Variants in PDZD2 observed in about 807,000 individuals in gnomAD.
PDZD2 encodes the protein PDZ domain-containing protein 2.
Under a neutral mutation model 220.7 loss-of-function variants are expected in PDZD2, and 90 were observed. That is an observed-to-expected ratio of 0.41 (90% CI 0.34 to 0.49). The LOEUF is 0.49. Ranked by LOEUF, PDZD2 falls within the 20% of genes least tolerant of loss-of-function variation. The pLI is 0.28. For synonymous variants in PDZD2, 1,375 were observed against 1,450.5 expected (o/e 0.95, Z 1.18); for missense variants, 3,174 against 3,608.5 (o/e 0.88, Z 3.08).
intron 1 of PDZD2, among the ~76,000 whole-genome samples, chr5:31,784,042 G>A (rs912226023): frequency 3.3e-5 from 5 of 152,294 alleles, no homozygotes; most frequent in Admixed American, 6.5e-5. Flanking sequence ...AAATGCAGGA[G>A]CTGTCTGGAA....
intron 2 of PDZD2, among the ~76,000 whole-genome samples, chr5:31,832,153 A>G (rs1402893554): frequency 1.3e-5 from 2 of 152,158 alleles, no homozygotes; most frequent in Admixed American, 6.5e-5. Context: ...TTGGCCTCCC[A>G]AAGTGTTTGG....
chr5:31,919,854 A>G (rs1744047878), intron 2 of PDZD2, among the ~76,000 whole-genome samples: 2 of 56,954 alleles, frequency 3.5e-5, no homozygotes, highest in Admixed American at 2.3e-4. Flanking sequence ...GTCTCTAAAA[A>G]ACAATTTTTT....
At chr5:32,096,280 A>C (rs1743684222) in intron 21 of PDZD2, among the ~76,000 whole-genome samples, 1 of 151,958 alleles carries the variant, frequency 6.6e-6, no homozygotes. Flanking sequence ...CAACTCCCCC[A>C]AAAGTTCTGC....
intron 10 of PDZD2, among the ~76,000 whole-genome samples, chr5:32,055,154 T>C (rs1319814922): frequency 6.6e-6 from 1 of 152,180 alleles, no homozygotes; most frequent in Non-Finnish European, 1.5e-5. Flanking sequence ...TAAAGAAGAA[T>C]TGCCCAGAAG....
chr5:32,042,199 T>C (rs1427637611), intron 7 of PDZD2, among the ~76,000 whole-genome samples: 1 of 150,158 alleles, frequency 6.7e-6, no homozygotes, highest in Non-Finnish European at 1.5e-5. Context: ...GAGGCGGAGC[T>C]TGCAGTGAGC....
At chr5:31,900,320 A>G (rs1298332028) in intron 2 of PDZD2, among the ~76,000 whole-genome samples, 1 of 152,196 alleles carries the variant, frequency 6.6e-6, no homozygotes, top group African/African-American at 2.4e-5. Context: ...GAATCTGTTA[A>G]TGGATTTGCT....
At chr5:31,737,331 C>G (rs1176718631) in intron 1 of PDZD2, among the ~76,000 whole-genome samples, 1 of 151,604 alleles carries the variant, frequency 6.6e-6, no homozygotes, top group African/African-American at 2.4e-5. Context: ...CACCACCACG[C>G]CCAGCTAATT....
intron 5 of PDZD2, among the ~76,000 whole-genome samples, chr5:32,006,554 T>G (rs1310383026): frequency 6.6e-6 from 1 of 151,944 alleles, no homozygotes; most frequent in African/African-American, 2.4e-5. Context: ...TTAAACAATT[T>G]TTTGTAGAGG....
At chr5:31,968,840 CGTT>C (rs1395837648) in intron 2 of PDZD2, among the ~76,000 whole-genome samples, 3 of 143,158 alleles carry the variant, frequency 2.1e-5, no homozygotes, top group Non-Finnish European at 4.5e-5. Flanking sequence ...AATAAATTTC[CGTT>C]GTTAATAAGC....
chr5:31,881,689 T>TC (rs1318181073), intron 2 of PDZD2, among the ~76,000 whole-genome samples: 24 of 112,976 alleles, frequency 2.1e-4, no homozygotes, highest in African/African-American at 8.1e-4. Context: ...TGCATATACA[T>TC]AATACAATAC....
intron 2 of PDZD2, among the ~76,000 whole-genome samples, chr5:31,885,886 T>A (rs1740416182): frequency 6.6e-6 from 1 of 151,772 alleles, no homozygotes; most frequent in Admixed American, 6.6e-5. Flanking sequence ...TTGTTTTTGG[T>A]TTTTTTGTTT....
intron 1 of PDZD2, among the ~76,000 whole-genome samples, chr5:31,686,894 T>C (rs1440073418): frequency 1.3e-5 from 2 of 152,210 alleles, no homozygotes; most frequent in East Asian, 1.9e-4. Flanking sequence ...AGGCTTTTCA[T>C]ACCTCTTTGG....
chr5:31,983,300 C>T lies in PDZD2; in HGVS notation c.622C>T (p.Arg208Ter), dbSNP rs1181686491. ...AACACCTACCTTGGAGCTGGGTGAC[C>T]GAACTGCGAAAAAGGGGAAACGAAC... ...GETPTLELGD[R>*]TAKKGKRTRK... The change falls in exon 3 of 25, where the codon CGA becomes TGA. Residue 208 changes from arginine (R) to a stop codon, truncating the protein, a stop_gained. Coordinates refer to ENST00000438447, the MANE Select transcript of PDZD2 (RefSeq NM_178140.4). LOFTEE classifies it high-confidence loss of function. The T allele has an allele frequency of 1.2e-6, 2 of 1,613,992 alleles. No homozygotes were observed. The highest frequency in any genetic ancestry group is 1.7e-6 in the Non-Finnish European group (2 of 1,180,020).
intron 2 of PDZD2, among the ~76,000 whole-genome samples, chr5:31,880,297 T>G (rs1448276833): frequency 6.6e-6 from 1 of 152,210 alleles, no homozygotes; most frequent in Non-Finnish European, 1.5e-5. Context: ...CATTAAGATT[T>G]TTCAAATTTG....
intron 24 of PDZD2, among the ~76,000 whole-genome samples, chr5:32,103,241 A>AAAAC (rs202176156): frequency 6.2e-4 from 94 of 152,234 alleles, no homozygotes; most frequent in Non-Finnish European, 5.3e-4. Flanking sequence ...GTATTTATTT[A>AAAAC]AAACAAACAA....
chr5:31,690,074 G>A (rs1747058231), intron 1 of PDZD2, among the ~76,000 whole-genome samples: 9 of 152,046 alleles, frequency 5.9e-5, no homozygotes, highest in Admixed American at 5.9e-4. Flanking sequence ...AGACAAGTCT[G>A]GTAAAAAGAT....
rs751448305 is a variant in PDZD2, at chr5:32,089,722, A to G, written c.6274A>G (p.Ile2092Val). ...CCTCGAAAGAACAAACCAGCTGAAA[A>G]TCGTGGAGATTTCTGCTGAAGCAGT... The part of the protein sequence containing the change: ...DRLERTNQLK[I>V]VEISAEAVSE... Residue 2092 changes from isoleucine to valine, a missense_variant, in exon 20 of 25, where the codon ATC (isoleucine) becomes GTC (valine). Physicochemically the swap from Ile to Val is conservative, Grantham distance 29. Coordinates refer to ENST00000438447, the MANE Select transcript of PDZD2 (RefSeq NM_178140.4). 8.7e-6 allele frequency: 14 copies of G among 1,614,168 alleles called. No individual in the cohort carries two copies. Among genetic ancestry groups the G allele is most frequent in the Non-Finnish European group, 9.3e-6 (11 of 1,180,028 alleles).
Position 32,088,163 on chromosome 5 carries a change from C to A in PDZD2, c.4715C>A (p.Ser1572Tyr). ...PESLTEAPRA[S>Y]ARDGWSPPRS... The stretch of plus-strand genomic sequence containing the variant: ...TCACTCACTGAAGCCCCACGAGCTT[C>A]TGCCAGGGACGGCTGGTCCCCTCCT... Residue 1572 changes from serine (S) to tyrosine (Y), a missense_variant, in exon 20 of 25, where the codon TCT (serine) becomes TAT (tyrosine). Coordinates refer to ENST00000438447, the MANE Select transcript of PDZD2 (RefSeq NM_178140.4). This position sits in a 1 kb window ranked among gnomAD's most constrained non-coding sequence, Gnocchi z 4.6. The A allele has an allele frequency of 6.2e-7, 1 of 1,614,216 alleles. No individual in the cohort carries two copies. The highest frequency in any genetic ancestry group is 8.5e-7 in the Non-Finnish European group (1 of 1,180,026).
intron 5 of PDZD2, among the ~76,000 whole-genome samples, chr5:32,002,954 C>CCA (rs1184191968): frequency 2.1e-4 from 25 of 116,912 alleles, no homozygotes; most frequent in Non-Finnish European, 2.8e-4. Flanking sequence ...CACACACACA[C>CCA]CACACACACA....
Sources: allele counts gnomAD v4.1 joint callset (sites outside exome capture counted in the v4.1 genomes callset), GRCh38; gene constraint gnomAD v4.1.1; non-coding constraint Gnocchi (gnomAD v3.1); transcripts MANE v1.5; gene names NCBI Gene and HGNC (gene_info 2026-07-23, HGNC 2026-07-21).